Variants in ZFHX3 observed in about 807,000 individuals in gnomAD.
The protein encoded by ZFHX3 is zinc finger homeobox 3, also known as zinc finger homeobox protein 3.
In ZFHX3, 42 loss-of-function variants were observed where a neutral mutation model predicts 279.1. The ratio of observed to expected loss-of-function variants is 0.15; its 90% confidence interval spans 0.12 to 0.19. The LOEUF (loss-of-function observed/expected upper bound fraction) is 0.19, where lower values mean the gene tolerates loss of function less well. Among genes scored for constraint, ZFHX3 ranks in the 10% least tolerant of loss-of-function variants. The probability of loss-of-function intolerance (pLI) is 1.00; values close to 1 mark genes in which losing one functional copy is unlikely to be tolerated. For missense variants in ZFHX3, 4,981 were observed against 4,754.0 expected (o/e 1.05, Z -1.40); for synonymous variants, 2,293 against 1,957.8 (o/e 1.17, Z -4.52).
chr16:72,988,789 C>A (rs754738823), intron 1 of ZFHX3, among the ~76,000 whole-genome samples: 9 of 152,244 alleles, frequency 5.9e-5, no homozygotes, highest in Non-Finnish European at 1.2e-4. Flanking sequence ...GCAAAATCAT[C>A]ATAATTTTTC....
chr16:72,967,518 G>A (rs998963313), intron 1 of ZFHX3, among the ~76,000 whole-genome samples: 43 of 151,480 alleles, frequency 2.8e-4, no homozygotes, highest in East Asian at 9.7e-4. Flanking sequence ...ACTAATAAAC[G>A]TAGAAAAAGA....
At chr16:72,916,258 T>G (rs2039440272) in intron 3 of ZFHX3, among the ~76,000 whole-genome samples, 1 of 152,198 alleles carries the variant, frequency 6.6e-6, no homozygotes, top group South Asian at 2.1e-4. Flanking sequence ...TCAGGGACTA[T>G]TAAAGATTAA....
upstream of ZFHX3, among the ~76,000 whole-genome samples, chr16:73,052,734 G>T (rs1425908100): frequency 6.6e-6 from 1 of 152,156 alleles, no homozygotes; most frequent in Non-Finnish European, 1.5e-5. Flanking sequence ...AAACAAAGAG[G>T]TTAAAAAAAT....
intron 7 of ZFHX3, among the ~76,000 whole-genome samples, chr16:73,120,815 C>A (rs566494878): frequency 6.6e-6 from 1 of 151,750 alleles, no homozygotes; most frequent in Non-Finnish European, 1.5e-5. Flanking sequence ...CTACCACGCC[C>A]GGCGAATTTT....
At chr16:73,595,697 T>C (rs2052041855) in intron 2 of ZFHX3, among the ~76,000 whole-genome samples, 1 of 152,212 alleles carries the variant, frequency 6.6e-6, no homozygotes, top group Admixed American at 6.5e-5. Flanking sequence ...TACGGGTATC[T>C]CTTCTTAAAT....
chr16:73,715,916 G>C (rs1045428051), intron 1 of ZFHX3, among the ~76,000 whole-genome samples: 1 of 152,080 alleles, frequency 6.6e-6, no homozygotes, highest in Non-Finnish European at 1.5e-5. Flanking sequence ...TCCAAATCCA[G>C]TGGTCTTTCT....
intron 1 of ZFHX3, among the ~76,000 whole-genome samples, chr16:73,860,091 GAC>G (rs1597147514): frequency 6.6e-6 from 1 of 152,184 alleles, no homozygotes; most frequent in Non-Finnish European, 1.5e-5. Context: ...TGTGAACAAA[GAC>G]ACAATAGCAA....
At chr16:73,750,002 A>G (rs908431079) in intron 1 of ZFHX3, among the ~76,000 whole-genome samples, 5 of 152,006 alleles carry the variant, frequency 3.3e-5, no homozygotes, top group Admixed American at 2.6e-4. Flanking sequence ...CTATGTATCT[A>G]CTCACCTGGC....
intron 2 of ZFHX3, among the ~76,000 whole-genome samples, chr16:73,620,367 G>GA (rs542391413): frequency 3.3e-5 from 5 of 152,060 alleles, no homozygotes; most frequent in Admixed American, 1.3e-4. Flanking sequence ...ATAAATGGGG[G>GA]AAAAAAACAA....
At chr16:73,886,689 T>A (rs1437492792) in intron 1 of ZFHX3, among the ~76,000 whole-genome samples, 1 of 152,188 alleles carries the variant, frequency 6.6e-6, no homozygotes, top group Admixed American at 6.5e-5. Flanking sequence ...GTGAGGAGAA[T>A]GTATCAATTG....
At chr16:72,929,260 G>T (rs1293103544) in intron 3 of ZFHX3, among the ~76,000 whole-genome samples, 1 of 151,404 alleles carries the variant, frequency 6.6e-6, no homozygotes, top group Non-Finnish European at 1.5e-5. Context: ...AAAAAAAAGA[G>T]TGAGGTAAAA....
At chr16:73,775,959 C>G (rs377391858) in intron 1 of ZFHX3, among the ~76,000 whole-genome samples, 5 of 152,254 alleles carry the variant, frequency 3.3e-5, no homozygotes, top group African/African-American at 1.2e-4. Context: ...ATATACTAGG[C>G]TATATTTCAA....
chr16:72,937,071 G>A (rs1289738136), intron 3 of ZFHX3, among the ~76,000 whole-genome samples: 5 of 152,174 alleles, frequency 3.3e-5, no homozygotes, highest in African/African-American at 1.2e-4. Context: ...CGAGATGGGG[G>A]AGCCCATAAG....
chr16:72,788,613 T>C lies in ZFHX3; in HGVS notation c.9663A>G (p.Thr3221=), dbSNP rs148406976. ...PPPPAAQPPP[T]PQLPLQQQQQ... is the part of the protein sequence containing the mutation. Reference sequence around the variant, plus strand: ...GCTGCTGTTGCAGTGGGAGCTGTGGTGTGGGTGGCGGCTGGGCTGCTGGCG... The same window carrying C: ...GCTGCTGTTGCAGTGGGAGCTGTGGCGTGGGTGGCGGCTGGGCTGCTGGCG... Residue 3221 remains threonine, a synonymous_variant, in exon 10 of 10, where the codon ACA becomes ACG. Coordinates refer to ENST00000268489, the MANE Select transcript of ZFHX3 (RefSeq NM_006885.4). 11 of 1,613,260 alleles carry C rather than the reference T, an allele frequency of 6.8e-6. No homozygotes were observed. The African/African-American group carries it at 9.4e-5, about 14-fold the overall frequency.
chr16:73,357,542 C>T (rs2016364517), intron 3 of ZFHX3, among the ~76,000 whole-genome samples: 1 of 152,136 alleles, frequency 6.6e-6, no homozygotes, highest in African/African-American at 2.4e-5. Context: ...GGCCCTGTTA[C>T]AGATGAGCTA....
At chr16:73,517,692 C>A (rs2019546159) in intron 2 of ZFHX3, among the ~76,000 whole-genome samples, 2 of 152,156 alleles carry the variant, frequency 1.3e-5, no homozygotes, top group Non-Finnish European at 2.9e-5. Flanking sequence ...ATTTATACAC[C>A]AACTCCTGAC....
chr16:73,648,179 G>C (rs938871330), intron 2 of ZFHX3, among the ~76,000 whole-genome samples: 1 of 152,054 alleles, frequency 6.6e-6, no homozygotes, highest in Non-Finnish European at 1.5e-5. Context: ...CAAATGTGCA[G>C]GATATATCTA....
intron 1 of ZFHX3, among the ~76,000 whole-genome samples, chr16:73,822,170 C>A (rs1296175520): frequency 6.6e-6 from 1 of 152,148 alleles, no homozygotes; most frequent in African/African-American, 2.4e-5. Context: ...TGAGATTTTT[C>A]CTTCCTGTGT....
intron 3 of ZFHX3, among the ~76,000 whole-genome samples, chr16:73,325,436 G>A (rs543537867): frequency 5.3e-5 from 8 of 152,258 alleles, no homozygotes; most frequent in African/African-American, 1.9e-4. Context: ...TAGGATCTGG[G>A]GTGAGTCTGG....
Sources: gnomAD v4.1 joint callset for allele counts (sites outside exome capture counted in the v4.1 genomes callset) on GRCh38, gnomAD v4.1.1 for gene constraint, MANE v1.5 for transcripts, NCBI Gene and HGNC (gene_info 2026-07-23, HGNC 2026-07-21) for gene names.